The following PARD3B variants were observed in gnomAD, a reference collection of about 807,000 sequenced individuals.
The protein encoded by PARD3B is par-3 family cell polarity regulator beta.
PARD3B carries 103 observed loss-of-function variants against 130.2 expected under a neutral mutation model. The observed-to-expected ratio is 0.79, with a 90% confidence interval of 0.67 to 0.93. PARD3B has a LOEUF of 0.93. Among genes scored for constraint, PARD3B ranks in the 40% least tolerant of loss-of-function variants. PARD3B has a pLI of 0.00. For missense variants in PARD3B, 1,609 were observed against 1,499.2 expected (o/e 1.07, Z -1.21); for synonymous variants, 583 against 553.2 (o/e 1.05, Z -0.76).
chr2:204,998,376 A>ATATGTGTGTGTG (rs1559341581), intron 3 of PARD3B, among the ~76,000 whole-genome samples: 1 of 79,506 alleles, frequency 1.3e-5, no homozygotes, highest in East Asian at 2.6e-4. Flanking sequence ...GTGTGTGTGT[A>ATATGTGTGTGTG]TATATGTGTG....
intron 16 of PARD3B, among the ~76,000 whole-genome samples, chr2:205,293,235 C>T (rs1184298767): frequency 2.0e-5 from 3 of 152,078 alleles, no homozygotes; most frequent in Admixed American, 6.6e-5. Context: ...TTATGTTATG[C>T]TAATGGTTTT....
intron 12 of PARD3B, 101 bp downstream of exon 12, chr2:205,172,482 T>C: frequency 1.6e-6 from 2 of 1,260,436 alleles, no homozygotes; most frequent in Non-Finnish European, 1.1e-6. Flanking sequence ...ATCGAGAAAA[T>C]ATGCCCCAGA....
At chr2:205,615,374 G>T in intron 22 of PARD3B, 82 bp from the exon 23 acceptor site, 1 of 1,226,614 alleles carries the variant, frequency 8.2e-7, no homozygotes, top group African/African-American at 1.5e-5. Context: ...ACACCAAACT[G>T]CACAGGAGGC....
intron 3 of PARD3B, among the ~76,000 whole-genome samples, chr2:204,978,965 CAAAAAAAAAAA>C (rs34432147): frequency 1.3e-5 from 1 of 74,908 alleles, no homozygotes; most frequent in Non-Finnish European, 2.4e-5. Context: ...ACCCTGGCCT[CAAAAAAAAAAA>C]AAAAAAAAAA....
intron 2 of PARD3B, among the ~76,000 whole-genome samples, chr2:204,923,260 T>A (rs1167465198): frequency 2.6e-5 from 4 of 152,066 alleles, no homozygotes; most frequent in Non-Finnish European, 5.9e-5. Context: ...AAAGGTAAAT[T>A]TACTGAAAAT....
At chr2:204,614,133 G>A (rs941395469) in intron 1 of PARD3B, among the ~76,000 whole-genome samples, 1 of 151,950 alleles carries the variant, frequency 6.6e-6, no homozygotes, top group African/African-American at 2.4e-5. Flanking sequence ...CTTAAAAATT[G>A]AGGACTTTAT....
At position 205,619,389 on chromosome 2, in the gene PARD3B, T is replaced by C. The variant is rs2055531431; in HGVS notation, c.*3576T>C. 6.6e-6 allele frequency: 1 copy of C among 152,320 alleles called. No individual in the cohort carries two copies. Among genetic ancestry groups the C allele is most frequent in the Admixed American group, 6.5e-5 (1 of 15,292 alleles). The allele number at this position is 152,320 out of a possible 1,614,324, so 9.4% of individuals were successfully genotyped here. ...TGAATGTGTGTCTGTACAATTCCCT[T>C]TGGCATTAAACTCTGAAACCTACAA... On this transcript the variant is annotated 3_prime_UTR_variant, in exon 23 of 23. Transcript: ENST00000406610.
intron 22 of PARD3B, among the ~76,000 whole-genome samples, chr2:205,573,346 G>A (rs1423700809): frequency 6.6e-6 from 1 of 152,112 alleles, no homozygotes; most frequent in African/African-American, 2.4e-5. Context: ...TCTGGAGCCA[G>A]GCTGGAACAA....
chr2:204,814,518 T>A (rs1406707926), intron 2 of PARD3B, among the ~76,000 whole-genome samples: 1 of 151,822 alleles, frequency 6.6e-6, no homozygotes, highest in African/African-American at 2.4e-5. Flanking sequence ...GAGTAAAGAG[T>A]TATATTTTTT....
chr2:204,904,556 A>G (rs1002669739), intron 2 of PARD3B, among the ~76,000 whole-genome samples: 1 of 152,192 alleles, frequency 6.6e-6, no homozygotes, highest in Non-Finnish European at 1.5e-5. Context: ...TACAAAAATT[A>G]AAAATGAAAA....
At chr2:204,665,604 A>G (rs994143734) in intron 1 of PARD3B, among the ~76,000 whole-genome samples, 2 of 152,184 alleles carry the variant, frequency 1.3e-5, no homozygotes, top group African/African-American at 4.8e-5. Context: ...GCCATTGGCC[A>G]ATTTTGTGAC....
chr2:205,240,227 T>C (rs1259473709), intron 15 of PARD3B, among the ~76,000 whole-genome samples: 1 of 152,180 alleles, frequency 6.6e-6, no homozygotes, highest in East Asian at 1.9e-4. Flanking sequence ...GAAAATTGAT[T>C]TTTAATATTG....
chr2:205,616,765 G>A lies in PARD3B; in HGVS notation c.*952G>A, dbSNP rs1405724833. ...GAGGGCCTACTGGGGAGGTCTCACA[G>A]GAGGCAGTGCCCTGGGAAATGCCAA... is the stretch of plus-strand genomic sequence containing the variant. On this transcript the variant is annotated 3_prime_UTR_variant, in exon 23 of 23. Transcript: ENST00000406610. 6 of 152,414 alleles carry A rather than the reference G, an allele frequency of 3.9e-5. No individual in the cohort carries two copies. Among genetic ancestry groups the A allele is most frequent in the African/African-American group, 1.2e-4 (5 of 41,424 alleles). 9.4% of individuals were successfully genotyped at this position (152,414 alleles called of 1,614,324 possible).
chr2:205,053,594 C>G (rs556217994), intron 4 of PARD3B, among the ~76,000 whole-genome samples: 23 of 151,328 alleles, frequency 1.5e-4, no homozygotes, highest in African/African-American at 5.6e-4. Context: ...GAGCCAAGAT[C>G]GTGTCACTGC....
chr2:205,228,815 G>C (rs1252722914), intron 15 of PARD3B, among the ~76,000 whole-genome samples: 1 of 146,624 alleles, frequency 6.8e-6, no homozygotes, highest in Non-Finnish European at 1.5e-5. Flanking sequence ...TTTATTCTCT[G>C]ACTGTCTTTT....
chr2:204,717,684 G>T (rs1373802474), intron 2 of PARD3B, among the ~76,000 whole-genome samples: 1 of 152,186 alleles, frequency 6.6e-6, no homozygotes, highest in Non-Finnish European at 1.5e-5. Context: ...AATAAAGGCA[G>T]GTGGCTGGGT....
chr2:205,197,032 G>GGTGT (rs1220147246), intron 15 of PARD3B, among the ~76,000 whole-genome samples: 5,120 of 53,272 alleles, frequency 0.096, 154 homozygotes, highest in Non-Finnish European at 0.12. Flanking sequence ...GTGGGGGGGG[G>GGTGT]GTGTGTGTGT....
chr2:205,111,230 G>A (rs1330628158), intron 5 of PARD3B, among the ~76,000 whole-genome samples: 1 of 151,904 alleles, frequency 6.6e-6, no homozygotes, highest in East Asian at 1.9e-4. Context: ...AAGTCTGCTA[G>A]GCTTTTTTTC....
At chr2:204,590,457 A>G (rs184775669) in intron 1 of PARD3B, among the ~76,000 whole-genome samples, 1 of 152,040 alleles carries the variant, frequency 6.6e-6, no homozygotes. Context: ...CTTTATGCAT[A>G]CTCTCCTTTA....
Sources: allele counts gnomAD v4.1 joint callset (sites outside exome capture counted in the v4.1 genomes callset), GRCh38; gene constraint gnomAD v4.1.1; transcripts MANE v1.5; gene names NCBI Gene and HGNC (gene_info 2026-07-23, HGNC 2026-07-21).